The following GARNL3 variants were observed in gnomAD, a reference collection of about 807,000 sequenced individuals.
GARNL3 encodes GTPase activating Rap/RanGAP domain like 3, also known as GTPase-activating Rap/Ran-GAP domain-like protein 3.
GARNL3 carries 63 observed loss-of-function variants against 125.0 expected under a neutral mutation model. The observed-to-expected ratio is 0.50, with a 90% confidence interval of 0.41 to 0.62. GARNL3 has a LOEUF of 0.62. Among genes scored for constraint, GARNL3 ranks in the 20% least tolerant of loss-of-function variants. GARNL3 has a pLI of 0.00. For missense variants in GARNL3, 994 were observed against 1,244.0 expected (o/e 0.80, Z 3.02); for synonymous variants, 439 against 457.5 (o/e 0.96, Z 0.52).
At chr9:127,349,634 G>A (rs1830322849) in intron 17 of GARNL3, among the ~76,000 whole-genome samples, 1 of 152,192 alleles carries the variant, frequency 6.6e-6, no homozygotes, top group Non-Finnish European at 1.5e-5. Context: ...CCGTCGCCCA[G>A]AGAGGGTGCA....
At chr9:127,342,705 C>G (rs1829926545) in intron 14 of GARNL3, among the ~76,000 whole-genome samples, 1 of 151,850 alleles carries the variant, frequency 6.6e-6, no homozygotes, top group African/African-American at 2.4e-5. Flanking sequence ...GATGGGCAGG[C>G]AAAGGTGGGA....
At chr9:127,320,241 A>G (rs2065358585) in intron 5 of GARNL3, among the ~76,000 whole-genome samples, 1 of 152,228 alleles carries the variant, frequency 6.6e-6, no homozygotes, top group Admixed American at 6.5e-5. Context: ...TTTCACTTAT[A>G]AATATTGGAA....
intron 2 of GARNL3, among the ~76,000 whole-genome samples, chr9:127,303,353 C>T (rs1266086351): frequency 1.3e-5 from 2 of 151,626 alleles, no homozygotes; most frequent in Non-Finnish European, 2.9e-5. Context: ...ATAAAGTAAA[C>T]ACATCTTTGT....
At chr9:127,285,203 G>A (rs1194299108) in intron 1 of GARNL3, among the ~76,000 whole-genome samples, 1 of 152,182 alleles carries the variant, frequency 6.6e-6, no homozygotes, top group Non-Finnish European at 1.5e-5. Flanking sequence ...AGGCCGAGGT[G>A]GGCGGATCAC....
chr9:127,385,019 C>A lies in GARNL3; in HGVS notation c.2270-8C>A. 1 of 1,589,836 alleles carries A rather than the reference C, an allele frequency of 6.3e-7. No individual in the cohort carries two copies. The highest frequency in any genetic ancestry group is 8.6e-7 in the Non-Finnish European group (1 of 1,161,772). Reference sequence around the variant, plus strand: ...CAGCTGGGAGGTGACACTCCCGTTCCCTTGCAGTCTGTGCTTTCCCGTATC... The same window carrying A: ...CAGCTGGGAGGTGACACTCCCGTTCACTTGCAGTCTGTGCTTTCCCGTATC... On this transcript the variant is annotated splice_polypyrimidine_tract_variant and splice_region_variant and intron_variant, in intron 23 of 27. Transcript: ENST00000373387. The surrounding 1 kb of genome is among the most constrained non-coding windows in gnomAD (Gnocchi z 4.1).
chr9:127,243,956 C>A (rs2063248966), intron 2 of GARNL3, among the ~76,000 whole-genome samples: 1 of 152,174 alleles, frequency 6.6e-6, no homozygotes, highest in African/African-American at 2.4e-5. Context: ...CGGTTGACTT[C>A]AAAACAAATG....
At chr9:127,332,231 T>C (rs1829299736) in intron 7 of GARNL3, 43 bp from the exon 8 acceptor site, 1 of 1,436,926 alleles carries the variant, frequency 7.0e-7, no homozygotes, top group South Asian at 1.1e-5. Flanking sequence ...ATATACGCTG[T>C]GATGATAAAA....
In GARNL3 at chr9:127,339,835, G is replaced by A. The variant is rs547351563; in HGVS notation, c.1135+84G>A. ...AGATTCTCCCAGAATGCTGTTTAAG[G>A]AAATGTCATTGTTTAAGCATTCCAT... On this transcript the variant is annotated intron_variant, in intron 13 of 27. Coordinates refer to ENST00000373387, the MANE Select transcript of GARNL3 (RefSeq NM_032293.5). 5 of 885,920 alleles carry A rather than the reference G, an allele frequency of 5.6e-6. No homozygotes were observed. In the East Asian group the frequency reaches 9.7e-5, roughly 17 times the overall value. 54.9% of individuals were successfully genotyped at this position (885,920 alleles called of 1,614,324 possible).
intron 27 of GARNL3, 49 bp downstream of exon 27, chr9:127,390,816 C>A: frequency 6.3e-7 from 1 of 1,580,260 alleles, no homozygotes; most frequent in South Asian, 1.1e-5. Flanking sequence ...CTATGAGTCA[C>A]AGCACTGCCC....
chr9:127,250,776 A>G lies in GARNL3; in HGVS notation c.143+7527A>G, dbSNP rs529128534. On this transcript the variant is annotated intron_variant, in intron 2 of 10. Coordinates refer to the GARNL3 transcript ENST00000439286. ...ACACAGAGTTAAGGATGCTGCTCATAGACTGCAAGCACAGAACAGAACTTG... is the reference window on the plus strand; with the variant it reads ...ACACAGAGTTAAGGATGCTGCTCATGGACTGCAAGCACAGAACAGAACTTG... Among the ~76,000 whole-genome samples the G allele has an allele frequency of 5.9e-5, 9 of 152,254 alleles. No individual in the cohort carries two copies. In the South Asian group the frequency reaches 1.9e-3, roughly 32 times the overall value.
chr9:127,337,507 A>T (rs950743879), intron 11 of GARNL3, among the ~76,000 whole-genome samples: 1 of 152,042 alleles, frequency 6.6e-6, no homozygotes, highest in Non-Finnish European at 1.5e-5. Flanking sequence ...GGGTTGGGAG[A>T]TGGTGGGTGG....
chr9:127,245,283 G>T (rs1318882847), intron 2 of GARNL3: 1 of 152,300 alleles, frequency 6.6e-6, no homozygotes, highest in Non-Finnish European at 1.5e-5. Context: ...ACCCCGAGGG[G>T]CCGCCTTCCG....
At chr9:127,391,944 A>G (rs1423968883) in intron 27 of GARNL3, among the ~76,000 whole-genome samples, 2 of 152,162 alleles carry the variant, frequency 1.3e-5, no homozygotes, top group Non-Finnish European at 2.9e-5. Flanking sequence ...TCATTCATTC[A>G]CTCAACACAC....
intron 2 of GARNL3, among the ~76,000 whole-genome samples, chr9:127,246,554 C>T (rs990539865): frequency 6.6e-6 from 1 of 152,078 alleles, no homozygotes; most frequent in African/African-American, 2.4e-5. Context: ...GCCCTTAATC[C>T]CAGGACTTTG....
chr9:127,390,834 C>G, intron 27 of GARNL3, 67 bp downstream of exon 27: 1 of 1,497,280 alleles, frequency 6.7e-7, no homozygotes, highest in Non-Finnish European at 9.1e-7. Context: ...CCCAGGAGGC[C>G]CCTTCTGGGG....
upstream of GARNL3, among the ~76,000 whole-genome samples, chr9:127,263,316 T>G (rs1039409864): frequency 6.6e-6 from 1 of 152,190 alleles, no homozygotes; most frequent in African/African-American, 2.4e-5. Flanking sequence ...TTCGTATTAT[T>G]GGCTATTCAT....
intron 5 of GARNL3, among the ~76,000 whole-genome samples, chr9:127,318,469 A>G (rs2065301095): frequency 6.6e-6 from 1 of 152,224 alleles, no homozygotes; most frequent in Non-Finnish European, 1.5e-5. Context: ...ATTAGTTGCC[A>G]GCTTCTTTTT....
intron 7 of GARNL3, among the ~76,000 whole-genome samples, chr9:127,328,775 A>G (rs1248264091): frequency 6.6e-6 from 1 of 152,180 alleles, no homozygotes; most frequent in Non-Finnish European, 1.5e-5. Flanking sequence ...AATTCATAGC[A>G]TACTACTGAT....
In GARNL3 at chr9:127,371,241, G is replaced by A. The variant is rs566780035; in HGVS notation, c.2161+5875G>A. 7.7e-4 allele frequency among the ~76,000 whole-genome samples: 118 copies of A among 152,310 alleles called. 2 individuals carry two copies. Among genetic ancestry groups the A allele is most frequent in the African/African-American group, 2.6e-3 (109 of 41,560 alleles). On this transcript the variant is annotated intron_variant, in intron 22 of 27. Coordinates refer to ENST00000373387, the MANE Select transcript of GARNL3 (RefSeq NM_032293.5). ...ACGGAATTTCTTGGACTTTGGCTCC[G>A]TCTTAGAGCAACCCACCTCTCCCCT...
Sources: allele counts gnomAD v4.1 joint callset (sites outside exome capture counted in the v4.1 genomes callset), GRCh38; gene constraint gnomAD v4.1.1; non-coding constraint Gnocchi (gnomAD v3.1); transcripts MANE v1.5; gene names NCBI Gene and HGNC (gene_info 2026-07-23, HGNC 2026-07-21).